KCTD14: variants seen among roughly 807,000 people sequenced by gnomAD.
KCTD14 encodes the protein potassium channel tetramerization domain containing 14, also known as BTB/POZ domain-containing protein KCTD14.
Under a neutral mutation model 5.9 loss-of-function variants are expected in KCTD14, and 7 were observed. The observed-to-expected ratio is 1.19, with a 90% CI of 0.68 to 2.23. The LOEUF (loss-of-function observed/expected upper bound fraction) is 2.23. KCTD14 is among the 30% of genes most tolerant of loss of function. The probability of loss-of-function intolerance (pLI) is 0.00; values close to 1 mark genes in which losing one functional copy is unlikely to be tolerated. For missense variants in KCTD14, 342 were observed against 332.2 expected (o/e 1.03, Z -0.23); for synonymous variants, 140 against 133.1 (o/e 1.05, Z -0.36).
intron 2 of KCTD14, among the ~76,000 whole-genome samples, chr11:78,029,764 C>G (rs1857563373): frequency 6.6e-6 from 1 of 151,068 alleles, no homozygotes; most frequent in East Asian, 1.9e-4. Flanking sequence ...CACAAGGAAT[C>G]TCAGACAAGA....
chr11:78,030,108 G>A (rs1422209912), intron 2 of KCTD14, among the ~76,000 whole-genome samples: 5 of 152,106 alleles, frequency 3.3e-5, no homozygotes, highest in Non-Finnish European at 7.3e-5. Context: ...TTTCTTTAGA[G>A]CAAGAGCTCT....
chr11:78,023,533 G>C, upstream of KCTD14: 1 of 400,518 alleles, frequency 2.5e-6, no homozygotes, highest in Non-Finnish European at 4.5e-6. Flanking sequence ...TTTTTTTTCA[G>C]AGACAGGGTC....
chr11:78,045,774 C>T (rs11600224), intron 1 of KCTD14, among the ~76,000 whole-genome samples: 19,931 of 152,080 alleles, frequency 0.13, 1,595 homozygotes, highest in East Asian at 0.21. Context: ...AAGGGTACTA[C>T]TGAGGAGAGA....
upstream of KCTD14, among the ~76,000 whole-genome samples, chr11:78,024,721 G>A (rs557607967): frequency 1.3e-5 from 2 of 151,850 alleles, no homozygotes; most frequent in South Asian, 2.1e-4. Context: ...CATGGCAGGT[G>A]GATCACCTGA....
chr11:78,041,507 C>T (rs1565318677), intron 1 of KCTD14, among the ~76,000 whole-genome samples: 1 of 152,200 alleles, frequency 6.6e-6, no homozygotes, highest in African/African-American at 2.4e-5. Context: ...AGCCAATCAT[C>T]TGTTGCCTGA....
chr11:78,017,468 G>A lies in KCTD14; in HGVS notation c.91-198C>T, dbSNP rs367889161. On this transcript the variant is annotated intron_variant, in intron 1 of 1. Coordinates refer to ENST00000353172, the MANE Select transcript of KCTD14 (RefSeq NM_023930.4). ...GGGGTGGGCTTTTTTTTTTTTTTTCGACGGAGTCTCGCTCTGTCACCCAGG... is the reference window on the plus strand; with the variant it reads ...GGGGTGGGCTTTTTTTTTTTTTTTCAACGGAGTCTCGCTCTGTCACCCAGG... Among the ~76,000 whole-genome samples, 8 of 133,964 alleles carry A rather than the reference G, an allele frequency of 6.0e-5. No individual in the cohort carries two copies. The South Asian group carries it at 1.4e-3, about 23-fold the overall frequency. The allele number at this position is 133,964 out of a possible 152,430, so 87.9% of individuals were successfully genotyped here. A position where few individuals can be genotyped will look rare whatever the true frequency, so the allele number is the denominator to read the frequency against.
intron 1 of KCTD14, among the ~76,000 whole-genome samples, chr11:78,045,829 A>G (rs1858119355): frequency 6.6e-6 from 1 of 152,148 alleles, no homozygotes; most frequent in South Asian, 2.1e-4. Context: ...CCAAAAGCCC[A>G]GAGTACTCAG....
chr11:78,026,776 A>G (rs1456384402), upstream of KCTD14, among the ~76,000 whole-genome samples: 1 of 152,158 alleles, frequency 6.6e-6, no homozygotes, highest in Non-Finnish European at 1.5e-5. Flanking sequence ...CTCAAAAAAT[A>G]TATATCTCTG....
At chr11:78,022,080 GTTCTTCCCTTGCAA>G (rs1857325911) in intron 1 of KCTD14, among the ~76,000 whole-genome samples, 1 of 152,158 alleles carries the variant, frequency 6.6e-6, no homozygotes. Flanking sequence ...TGGCCTGGCA[GTTCTTCCCTTGCAA>G]TTCCCTGTTT....
chr11:78,024,475 A>T (rs112083240), upstream of KCTD14, among the ~76,000 whole-genome samples: 33 of 149,644 alleles, frequency 2.2e-4, no homozygotes, highest in East Asian at 7.8e-4. Context: ...TATATATATA[A>T]AATTGGTTAC....
At chr11:78,039,068 C>CAAAAAAAAAAAAAAA (rs34453594) in intron 1 of KCTD14, among the ~76,000 whole-genome samples, 1 of 114,764 alleles carries the variant, frequency 8.7e-6, no homozygotes, top group African/African-American at 3.6e-5. Flanking sequence ...CTTTAGATTA[C>CAAAAAAAAAAAAAAA]AAAAAAAAAA....
At chr11:78,026,577 TG>T (rs1857471449), upstream of KCTD14, among the ~76,000 whole-genome samples, 7 of 152,230 alleles carry the variant, frequency 4.6e-5, no homozygotes, top group South Asian at 1.5e-3. Context: ...AAGTCCAGCC[TG>T]GGCAACATGG....
Position 78,017,257 on chromosome 11 carries a change from A to G in KCTD14, c.104T>C (p.Val35Ala), listed in dbSNP as rs1565308311. Residue 35 changes from valine to alanine, a missense_variant, in exon 2 of 2, where the codon GTG (valine) becomes GCG (alanine). Transcript: ENST00000353172. ...RPRRPTMSTV[V>A]ELNVGGEFHT... is the part of the protein sequence containing the mutation. ...GAACTCACCCCCGACGTTCAGCTCC[A>G]CAACAGTAGACATCTGGGGGCACAA... 1 of 1,593,516 alleles carries G rather than the reference A, an allele frequency of 6.3e-7. No homozygotes were observed. The highest frequency in any genetic ancestry group is 8.6e-7 in the Non-Finnish European group (1 of 1,165,122).
At chr11:78,037,914 A>G (rs924590367) in intron 2 of KCTD14, among the ~76,000 whole-genome samples, 2 of 151,794 alleles carry the variant, frequency 1.3e-5, no homozygotes, top group Non-Finnish European at 2.9e-5. Context: ...TGCTGGTTCC[A>G]CAAGTGTGCT....
chr11:78,023,412 G>T, upstream of KCTD14: 1 of 655,846 alleles, frequency 1.5e-6, no homozygotes, highest in African/African-American at 1.9e-5. Flanking sequence ...TCTAAAAGTT[G>T]TTAGGCCCTG....
intron 1 of KCTD14, among the ~76,000 whole-genome samples, chr11:78,040,290 A>G (rs1857952298): frequency 6.6e-6 from 1 of 151,994 alleles, no homozygotes; most frequent in South Asian, 2.1e-4. Flanking sequence ...TTCCTGCTCC[A>G]TGTTCTTTTT....
chr11:78,038,216 G>A (rs1057314206), intron 2 of KCTD14, among the ~76,000 whole-genome samples: 1 of 152,158 alleles, frequency 6.6e-6, no homozygotes, highest in Admixed American at 6.5e-5. Flanking sequence ...TTGGGACCTC[G>A]GGTGTCCTGT....
chr11:78,040,587 T>G (rs1857964347), intron 1 of KCTD14, among the ~76,000 whole-genome samples: 1 of 152,130 alleles, frequency 6.6e-6, no homozygotes. Flanking sequence ...CATCCACCAC[T>G]CCTGTTCTGT....
intron 2 of KCTD14, among the ~76,000 whole-genome samples, chr11:78,032,561 G>A (rs908837056): frequency 1.3e-5 from 2 of 152,130 alleles, no homozygotes; most frequent in African/African-American, 2.4e-5. Flanking sequence ...GCTAAACCAC[G>A]ATTCAAATCC....
Sources: allele counts gnomAD v4.1 joint callset (sites outside exome capture counted in the v4.1 genomes callset), GRCh38; gene constraint gnomAD v4.1.1; transcripts MANE v1.5; gene names NCBI Gene and HGNC (gene_info 2026-07-23, HGNC 2026-07-21).